Variants in CDK19 observed in about 807,000 individuals in gnomAD.
CDK19 encodes the protein cyclin-dependent kinase 19.
In CDK19, 20 loss-of-function variants were observed where a neutral mutation model predicts 68.3. That is an observed-to-expected ratio of 0.29 (90% CI 0.21 to 0.43). The LOEUF is 0.43. Among genes scored for constraint, CDK19 ranks in the 20% least tolerant of loss-of-function variants. The pLI is 1.00. For missense variants in CDK19, 339 were observed against 623.5 expected (o/e 0.54, Z 4.86); for synonymous variants, 221 against 222.8 (o/e 0.99, Z 0.07).
At chr6:110,777,842 C>G (rs959031573) in intron 1 of CDK19, among the ~76,000 whole-genome samples, 1 of 152,216 alleles carries the variant, frequency 6.6e-6, no homozygotes, top group African/African-American at 2.4e-5. Flanking sequence ...CATGCTACAA[C>G]AAGCTTGAAG....
At chr6:110,736,716 T>C (rs1777276798) in intron 2 of CDK19, among the ~76,000 whole-genome samples, 2 of 152,172 alleles carry the variant, frequency 1.3e-5, no homozygotes, top group East Asian at 1.9e-4. Context: ...AGAGTTTAAA[T>C]GGGAAAAAGT....
chr6:110,756,261 G>A (rs1054145931), intron 1 of CDK19, among the ~76,000 whole-genome samples: 3 of 151,976 alleles, frequency 2.0e-5, no homozygotes, highest in South Asian at 4.2e-4. Flanking sequence ...ATGGTGGTGC[G>A]TGTCTGTAGT....
chr6:110,747,152 G>A (rs879821987), intron 1 of CDK19, among the ~76,000 whole-genome samples: 15 of 152,202 alleles, frequency 9.9e-5, no homozygotes, highest in South Asian at 2.1e-4. Context: ...CAAATATAGC[G>A]CCAAAGTAGT....
intron 10 of CDK19, 25 bp downstream of exon 10, chr6:110,622,790 G>A (rs745888089): frequency 5.6e-6 from 8 of 1,429,986 alleles, no homozygotes; most frequent in South Asian, 4.6e-5. Context: ...TGGAGCAAAG[G>A]ACACAGAAAA....
At chr6:110,694,515 T>C (rs1405632414) in intron 2 of CDK19, among the ~76,000 whole-genome samples, 1 of 152,052 alleles carries the variant, frequency 6.6e-6, no homozygotes, top group African/African-American at 2.4e-5. Context: ...TTTATAAAAT[T>C]ACTACTAGAC....
At chr6:110,814,243 T>C (rs1307620581) in intron 1 of CDK19, 1 of 288,314 alleles carries the variant, frequency 3.5e-6, no homozygotes, top group Non-Finnish European at 6.7e-6. Flanking sequence ...GAGGACATAA[T>C]ACCCAAGATA....
chr6:110,810,707 G>A (rs1381396280), intron 1 of CDK19, among the ~76,000 whole-genome samples: 1 of 151,806 alleles, frequency 6.6e-6, no homozygotes, highest in Admixed American at 6.6e-5. Context: ...CCAAGAGGCG[G>A]AGGTTGCAGT....
rs966814037 is a variant in CDK19, at chr6:110,611,603, G to C, written c.*2932C>G. On this transcript the variant is annotated 3_prime_UTR_variant, in exon 13 of 13. Transcript: ENST00000368911. ...GAATTCAAGACCAGCCTGACCAATAGGGTGAAACCCCATCTCTACTAAAAA... is the reference window on the plus strand; with the variant it reads ...GAATTCAAGACCAGCCTGACCAATACGGTGAAACCCCATCTCTACTAAAAA... 1 of 152,200 alleles carries C rather than the reference G, an allele frequency of 6.6e-6. No individual in the cohort carries two copies. The highest frequency in any genetic ancestry group is 2.1e-4 in the South Asian group (1 of 4,828). The allele number at this position is 152,200 out of a possible 1,614,324, so 9.4% of individuals were successfully genotyped here.
chr6:110,681,592 GAC>G (rs1271070300), intron 2 of CDK19, among the ~76,000 whole-genome samples: 1 of 152,116 alleles, frequency 6.6e-6, no homozygotes, highest in Non-Finnish European at 1.5e-5. Flanking sequence ...TCTGAGAAGG[GAC>G]ACAGTGAAAG....
rs1289319819 is a variant in CDK19, at chr6:110,622,132, G to A, written c.1066C>T (p.Arg356Ter). The part of the protein sequence containing the change: ...FAGCQIPYPK[R>*]EFLNEDDPEE... ...GGATCATCTTCATTAAGGAATTCTC[G>A]TTTGGGGTATGGAATCTGGCAGCCG... The change falls in exon 11 of 13, where the codon CGA becomes TGA. Residue 356 changes from arginine (R) to a stop codon, truncating the protein, a stop_gained. Transcript: ENST00000368911. LOFTEE classifies it high-confidence loss of function. The A allele has an allele frequency of 1.9e-6, 3 of 1,612,344 alleles. No homozygotes were observed. The highest frequency in any genetic ancestry group is 2.5e-6 in the Non-Finnish European group (3 of 1,178,892).
intron 9 of CDK19, 26 bp from the exon 10 acceptor site, chr6:110,622,938 A>G (rs1778807273): frequency 7.3e-7 from 1 of 1,368,002 alleles, no homozygotes; most frequent in Admixed American, 1.7e-5. Context: ...GGAAATGTAC[A>G]GCACATGAAA....
intron 2 of CDK19, among the ~76,000 whole-genome samples, chr6:110,714,431 G>C (rs750748685): frequency 1.2e-4 from 19 of 152,190 alleles, no homozygotes; most frequent in Non-Finnish European, 2.6e-4. Context: ...TATACACCTA[G>C]AAGTGGAACT....
Position 110,621,257 on chromosome 6 carries a change from G to C in CDK19, c.1224C>G (p.Thr408=), listed in dbSNP as rs143330966. The C allele has an allele frequency of 6.2e-7, 1 of 1,613,050 alleles. No homozygotes were observed. The highest frequency in any genetic ancestry group is 8.5e-7 in the Non-Finnish European group (1 of 1,179,926). ...CGACCCCGGCCCCAGCCCCACCTGC[G>C]GTCCCGTTGGTCTGGGTGCTGTTCT... ...PQQNSTQTNG[T]AGGAGAGVGG... Residue 408 remains threonine, a synonymous_variant, in exon 12 of 13, where the codon ACC becomes ACG. Transcript: ENST00000368911. This position sits in a 1 kb window ranked among gnomAD's most constrained non-coding sequence, Gnocchi z 5.4.
At chr6:110,777,191 ATGT>A (rs1319775746) in intron 1 of CDK19, among the ~76,000 whole-genome samples, 3 of 151,944 alleles carry the variant, frequency 2.0e-5, no homozygotes, top group African/African-American at 7.3e-5. Flanking sequence ...AATTAAAATG[ATGT>A]TGTATAAAAT....
At position 110,692,859 on chromosome 6, in the gene CDK19, T is replaced by C. The variant is rs372176361; in HGVS notation, c.205-22318A>G. 2.8e-4 allele frequency among the ~76,000 whole-genome samples: 42 copies of C among 152,196 alleles called. No homozygotes were observed. In the East Asian group the frequency reaches 5.0e-3, roughly 18 times the overall value. ...TAAAAATACAAACATTAGCCAGACA[T>C]GTTGGTGGGCACCTGTAATCCCAGC... On this transcript the variant is annotated intron_variant, in intron 2 of 12. Transcript: ENST00000368911.
At chr6:110,667,884 C>T (rs146346020) in intron 3 of CDK19, among the ~76,000 whole-genome samples, 8 of 152,172 alleles carry the variant, frequency 5.3e-5, no homozygotes, top group Middle Eastern at 3.4e-3. Flanking sequence ...ATATTCTCTA[C>T]TGACAGAATG....
intron 1 of CDK19, among the ~76,000 whole-genome samples, chr6:110,811,580 C>T (rs1270234059): frequency 6.6e-6 from 1 of 151,974 alleles, no homozygotes; most frequent in South Asian, 2.1e-4. Context: ...ATTCCTTTAT[C>T]GATCAAATTT....
intron 4 of CDK19, among the ~76,000 whole-genome samples, chr6:110,642,609 GCTGA>G (rs1166544615): frequency 2.6e-5 from 4 of 152,192 alleles, no homozygotes; most frequent in Admixed American, 6.5e-5. Flanking sequence ...TGCTATTATG[GCTGA>G]CTAAGTGCTC....
At chr6:110,768,005 C>G (rs915808199) in intron 1 of CDK19, among the ~76,000 whole-genome samples, 1 of 152,072 alleles carries the variant, frequency 6.6e-6, no homozygotes, top group African/African-American at 2.4e-5. Flanking sequence ...AGAAAACAGA[C>G]AGCCCTCCTT....
Sources: gnomAD v4.1 joint callset for allele counts (sites outside exome capture counted in the v4.1 genomes callset) on GRCh38, gnomAD v4.1.1 for gene constraint, Gnocchi (gnomAD v3.1) non-coding constraint, MANE v1.5 for transcripts, NCBI Gene and HGNC (gene_info 2026-07-23, HGNC 2026-07-21) for gene names.